LRRC4C: variants seen among roughly 807,000 people sequenced by gnomAD.
LRRC4C encodes leucine-rich repeat-containing protein 4C.
In LRRC4C, 5 loss-of-function variants were observed where a neutral mutation model predicts 33.6. The observed-to-expected ratio is 0.15, with a 90% CI of 0.08 to 0.31. The LOEUF is 0.31. Ranked by LOEUF, LRRC4C falls within the 10% of genes least tolerant of loss-of-function variation. The pLI is 1.00. For synonymous variants in LRRC4C, 329 were observed against 302.0 expected (o/e 1.09, Z -0.93); for missense variants, 560 against 796.7 (o/e 0.70, Z 3.58).
chr11:41,231,329 A>C (rs534139026), intron 1 of LRRC4C, among the ~76,000 whole-genome samples: 2 of 152,020 alleles, frequency 1.3e-5, no homozygotes, highest in East Asian at 1.9e-4. Context: ...ATGTTTATTG[A>C]GGCACTATTC....
At chr11:40,445,106 T>C (rs1193848219) in intron 3 of LRRC4C, among the ~76,000 whole-genome samples, 3 of 152,206 alleles carry the variant, frequency 2.0e-5, no homozygotes, top group Non-Finnish European at 4.4e-5. Context: ...AGGCTCTAAA[T>C]AATGTTCATC....
At position 40,491,418 on chromosome 11, in the gene LRRC4C, C is replaced by T. The variant is rs185768971; in HGVS notation, c.-270+156724G>A. ...CCACAGGTCAGGAAACTAGGCACAACTTACCTTAGTCTGCTCAGGCACTTA... is the reference window on the plus strand; with the variant it reads ...CCACAGGTCAGGAAACTAGGCACAATTTACCTTAGTCTGCTCAGGCACTTA... On this transcript the variant is annotated intron_variant, in intron 3 of 6. Coordinates refer to ENST00000528697, the MANE Select transcript of LRRC4C (RefSeq NM_001258419.2). 2.6e-5 allele frequency among the ~76,000 whole-genome samples: 4 copies of T among 152,296 alleles called. No homozygotes were observed. The East Asian group carries it at 7.7e-4, about 29-fold the overall frequency.
intron 3 of LRRC4C, among the ~76,000 whole-genome samples, chr11:40,440,871 T>TA (rs2137961406): frequency 6.6e-6 from 1 of 151,976 alleles, no homozygotes; most frequent in Non-Finnish European, 1.5e-5. Flanking sequence ...AGGGAATTTT[T>TA]TTTTTTTTTA....
chr11:40,615,238 T>TTATATATATATATATA (rs756021420), intron 3 of LRRC4C, among the ~76,000 whole-genome samples: 4,056 of 86,778 alleles, frequency 0.047, 124 homozygotes, highest in South Asian at 0.056. Context: ...TTGATTTATT[T>TTATATATATATATATA]TATATATATA....
At chr11:40,779,164 T>G (rs1286372138) in intron 2 of LRRC4C, among the ~76,000 whole-genome samples, 1 of 151,986 alleles carries the variant, frequency 6.6e-6, no homozygotes, top group Non-Finnish European at 1.5e-5. Flanking sequence ...TTATAGATAT[T>G]GTGTTTTCTG....
At chr11:40,488,202 T>G (rs1199670596) in intron 3 of LRRC4C, among the ~76,000 whole-genome samples, 1 of 152,056 alleles carries the variant, frequency 6.6e-6, no homozygotes, top group African/African-American at 2.4e-5. Flanking sequence ...GCGTGTAAGC[T>G]CTTGGCACAT....
intron 1 of LRRC4C, among the ~76,000 whole-genome samples, chr11:41,198,995 A>T (rs1946296856): frequency 6.6e-6 from 1 of 152,140 alleles, no homozygotes; most frequent in African/African-American, 2.4e-5. Flanking sequence ...TTATTGAAGC[A>T]TTAAGCCTTG....
chr11:40,959,427 A>G (rs1430616040), intron 1 of LRRC4C, among the ~76,000 whole-genome samples: 3 of 151,674 alleles, frequency 2.0e-5, no homozygotes, highest in African/African-American at 7.3e-5. Context: ...CTAACAAAAA[A>G]AAATCCATTT....
intron 3 of LRRC4C, among the ~76,000 whole-genome samples, chr11:40,418,670 C>G (rs1446146841): frequency 6.6e-6 from 1 of 152,152 alleles, no homozygotes. Flanking sequence ...CGTATGTTCA[C>G]TGCAGCACTA....
At chr11:41,198,562 T>C (rs1946276556) in intron 1 of LRRC4C, among the ~76,000 whole-genome samples, 1 of 151,878 alleles carries the variant, frequency 6.6e-6, no homozygotes, top group South Asian at 2.1e-4. Context: ...AAAGAGAACA[T>C]GCACCCAGGT....
At chr11:41,113,726 C>A (rs1941969296) in intron 1 of LRRC4C, among the ~76,000 whole-genome samples, 1 of 152,038 alleles carries the variant, frequency 6.6e-6, no homozygotes. Flanking sequence ...TCCCTTTAAT[C>A]ATCTGTCCCA....
chr11:41,428,147 A>G (rs2138393224), intron 1 of LRRC4C, among the ~76,000 whole-genome samples: 1 of 152,280 alleles, frequency 6.6e-6, no homozygotes, highest in South Asian at 2.1e-4. Context: ...AAGAGAGCAG[A>G]GGAGTAGCTG....
At chr11:40,167,049 A>G (rs1442591103) in intron 5 of LRRC4C, among the ~76,000 whole-genome samples, 1 of 152,146 alleles carries the variant, frequency 6.6e-6, no homozygotes, top group East Asian at 1.9e-4. Flanking sequence ...TAATAAGGGA[A>G]TCCCGGAGTA....
At chr11:40,767,981 G>C (rs898115368) in intron 2 of LRRC4C, among the ~76,000 whole-genome samples, 1 of 151,588 alleles carries the variant, frequency 6.6e-6, no homozygotes, top group Non-Finnish European at 1.5e-5. Flanking sequence ...AAAATGATAA[G>C]AGCAGAAGCA....
chr11:40,248,937 G>A lies in LRRC4C; in HGVS notation c.-175-7339C>T, dbSNP rs184001786. On this transcript the variant is annotated intron_variant, in intron 4 of 6. Coordinates refer to ENST00000528697, the MANE Select transcript of LRRC4C (RefSeq NM_001258419.2). ...AGTTGAAGACCACTGCTTGAGATCA[G>A]AGACTACAACGGCAGTGACTGCTTT... is the stretch of plus-strand genomic sequence containing the variant. Among the ~76,000 whole-genome samples, 16 of 152,290 alleles carry A rather than the reference G, an allele frequency of 1.1e-4. 1 individual carries two copies. In the East Asian group the frequency reaches 3.1e-3, roughly 29 times the overall value.
chr11:40,374,629 A>G (rs977510371), intron 3 of LRRC4C, among the ~76,000 whole-genome samples: 3 of 152,158 alleles, frequency 2.0e-5, no homozygotes, highest in African/African-American at 7.2e-5. Flanking sequence ...TAGATTTCAT[A>G]CATCTTTTCT....
rs1160524866 is a variant in LRRC4C, at chr11:40,116,137, G to A, written c.156C>T (p.Ser52=). The A allele has an allele frequency of 6.2e-7, 1 of 1,614,040 alleles. No individual in the cohort carries two copies. The highest frequency in any genetic ancestry group is 1.1e-5 in the South Asian group (1 of 91,084). Residue 52 remains serine (S), a synonymous_variant, in exon 7 of 7, where the codon TCC becomes TCT. Coordinates refer to ENST00000528697, the MANE Select transcript of LRRC4C (RefSeq NM_001258419.2). ...TCACCTTGCTGAACTGGTTGCTGCA[G>A]GAGCACACAGAAGGGCAGGTCTGAG... is the stretch of plus-strand genomic sequence containing the variant. ...VRAQTCPSVC[S]CSNQFSKVIC...
chr11:41,381,802 G>A (rs890846587), intron 1 of LRRC4C, among the ~76,000 whole-genome samples: 2 of 151,222 alleles, frequency 1.3e-5, no homozygotes, highest in Non-Finnish European at 2.9e-5. Flanking sequence ...ATTTGAAAAG[G>A]CATCAAGTAG....
intron 3 of LRRC4C, among the ~76,000 whole-genome samples, chr11:40,451,865 T>C (rs912803734): frequency 1.3e-5 from 2 of 152,182 alleles, no homozygotes; most frequent in African/African-American, 4.8e-5. Flanking sequence ...GTGTGAGCGA[T>C]GCAGAAGACG....
Sources: allele counts gnomAD v4.1 joint callset (sites outside exome capture counted in the v4.1 genomes callset), GRCh38; gene constraint gnomAD v4.1.1; transcripts MANE v1.5; gene names NCBI Gene and HGNC (gene_info 2026-07-23, HGNC 2026-07-21).